DYNC1I1: variants seen among roughly 807,000 people sequenced by gnomAD.
DYNC1I1 encodes the protein cytoplasmic dynein 1 intermediate chain 1.
In DYNC1I1, 43 loss-of-function variants were observed where a neutral mutation model predicts 86.6. The observed-to-expected ratio is 0.50, with a 90% CI of 0.39 to 0.64. DYNC1I1 has a LOEUF of 0.64. DYNC1I1 is among the 30% of genes least tolerant of loss of function. The pLI is 0.00. For synonymous variants in DYNC1I1, 262 were observed against 283.7 expected (o/e 0.92, Z 0.77); for missense variants, 604 against 788.8 (o/e 0.77, Z 2.81).
intron 10 of DYNC1I1, among the ~76,000 whole-genome samples, chr7:95,998,704 T>C (rs1793933701): frequency 6.6e-6 from 1 of 152,210 alleles, no homozygotes; most frequent in South Asian, 2.1e-4. Context: ...ATGACTGTAC[T>C]TTTATAATTT....
intron 14 of DYNC1I1, among the ~76,000 whole-genome samples, chr7:96,068,139 A>C (rs1790049324): frequency 6.6e-6 from 1 of 152,160 alleles, no homozygotes; most frequent in South Asian, 2.1e-4. Context: ...CTATTTTCCC[A>C]CTGCCACTTC....
intron 5 of DYNC1I1, among the ~76,000 whole-genome samples, chr7:95,839,726 CTTTAGCAT>C (rs1188709263): frequency 1.3e-5 from 2 of 152,068 alleles, no homozygotes; most frequent in African/African-American, 4.8e-5. Flanking sequence ...GAAGAACTTT[CTTTAGCAT>C]TTTTTTGTAT....
chr7:95,916,152 T>A (rs760940960), intron 6 of DYNC1I1, among the ~76,000 whole-genome samples: 1 of 152,228 alleles, frequency 6.6e-6, no homozygotes, highest in Non-Finnish European at 1.5e-5. Flanking sequence ...AATATTTATT[T>A]AAAAGAAACT....
chr7:96,046,031 C>T (rs1789203129), intron 14 of DYNC1I1, among the ~76,000 whole-genome samples: 1 of 152,158 alleles, frequency 6.6e-6, no homozygotes, highest in African/African-American at 2.4e-5. Flanking sequence ...CACAGCACCT[C>T]CTGCCGCACC....
intron 10 of DYNC1I1, among the ~76,000 whole-genome samples, chr7:96,022,779 C>T (rs1483675082): frequency 2.0e-5 from 3 of 151,956 alleles, no homozygotes; most frequent in Admixed American, 6.6e-5. Flanking sequence ...ACAGGAGGAT[C>T]ACTTGAGCCT....
intron 14 of DYNC1I1, among the ~76,000 whole-genome samples, chr7:96,058,628 C>G (rs538246985): frequency 3.8e-4 from 58 of 151,972 alleles, no homozygotes; most frequent in Non-Finnish European, 7.4e-4. Context: ...ACCAAAGAAA[C>G]AAATATAGTT....
chr7:95,909,034 G>C (rs552835995), intron 6 of DYNC1I1, among the ~76,000 whole-genome samples: 1 of 151,734 alleles, frequency 6.6e-6, no homozygotes, highest in Non-Finnish European at 1.5e-5. Flanking sequence ...GACTGTGTTT[G>C]TTCCTGGAAC....
chr7:96,100,512 C>A (rs1025508197), downstream of DYNC1I1, among the ~76,000 whole-genome samples: 2 of 152,086 alleles, frequency 1.3e-5, no homozygotes, highest in African/African-American at 4.8e-5. Context: ...AACAAAGAAA[C>A]TACCTCAAAA....
At chr7:95,786,887 T>C (rs1024976623) in intron 1 of DYNC1I1, among the ~76,000 whole-genome samples, 1 of 152,160 alleles carries the variant, frequency 6.6e-6, no homozygotes, top group African/African-American at 2.4e-5. Context: ...TGACTGTATA[T>C]GGACATGTGT....
intron 6 of DYNC1I1, among the ~76,000 whole-genome samples, chr7:95,883,471 T>C (rs1304075483): frequency 6.6e-6 from 1 of 152,220 alleles, no homozygotes; most frequent in Admixed American, 6.5e-5. Flanking sequence ...TGATGTTTTA[T>C]GTGAGAGATG....
chr7:95,991,087 GTGTC>G (rs1793719226), intron 9 of DYNC1I1, among the ~76,000 whole-genome samples: 1 of 152,034 alleles, frequency 6.6e-6, no homozygotes, highest in Non-Finnish European at 1.5e-5. Context: ...AATTTTAAAA[GTGTC>G]TGGTGCATAA....
intron 6 of DYNC1I1, among the ~76,000 whole-genome samples, chr7:95,871,717 C>T (rs565123190): frequency 6.6e-6 from 1 of 152,186 alleles, no homozygotes; most frequent in South Asian, 2.1e-4. Flanking sequence ...AACTGGAGCA[C>T]ATCAAAAGGA....
chr7:95,844,899 C>A (rs971025970), intron 5 of DYNC1I1, among the ~76,000 whole-genome samples: 1 of 152,114 alleles, frequency 6.6e-6, no homozygotes, highest in Non-Finnish European at 1.5e-5. Context: ...AGAATTCAGG[C>A]CCCTCTCATT....
intron 16 of DYNC1I1, among the ~76,000 whole-genome samples, chr7:96,107,580 A>G (rs568104486): frequency 2.7e-5 from 4 of 146,962 alleles, no homozygotes; most frequent in South Asian, 4.3e-4. Context: ...TGCCCAGGCT[A>G]GAGTGCAGTG....
At chr7:95,836,914 T>C (rs1433896728) in intron 5 of DYNC1I1, among the ~76,000 whole-genome samples, 1 of 151,762 alleles carries the variant, frequency 6.6e-6, no homozygotes, top group East Asian at 1.9e-4. Flanking sequence ...TTGGTTTGAA[T>C]GTCCTCCCGT....
intron 5 of DYNC1I1, among the ~76,000 whole-genome samples, chr7:95,848,321 T>A (rs1353348310): frequency 6.6e-6 from 1 of 151,452 alleles, no homozygotes; most frequent in Non-Finnish European, 1.5e-5. Context: ...ATACAATAGA[T>A]CTCTTGAACT....
At chr7:95,981,622 G>A (rs1273149272) in intron 7 of DYNC1I1, among the ~76,000 whole-genome samples, 2 of 151,924 alleles carry the variant, frequency 1.3e-5, no homozygotes, top group Admixed American at 6.6e-5. Context: ...ACTTTTCATA[G>A]TGTAGAATCT....
chr7:95,841,679 G>T (rs1789285550), intron 5 of DYNC1I1, among the ~76,000 whole-genome samples: 2 of 152,264 alleles, frequency 1.3e-5, no homozygotes, highest in South Asian at 4.1e-4. Flanking sequence ...GCTGGAGGAA[G>T]GAGCTGTAGG....
At chr7:95,816,374 G>C (rs77684809) in intron 4 of DYNC1I1, among the ~76,000 whole-genome samples, 3 of 152,144 alleles carry the variant, frequency 2.0e-5, no homozygotes, top group African/African-American at 7.2e-5. Context: ...AATGGGTAGA[G>C]AGTAGAAATA....
Sources: allele counts gnomAD v4.1 joint callset (sites outside exome capture counted in the v4.1 genomes callset), GRCh38; gene constraint gnomAD v4.1.1; transcripts MANE v1.5; gene names NCBI Gene and HGNC (gene_info 2026-07-23, HGNC 2026-07-21).